EYA2: variants seen among roughly 807,000 people sequenced by gnomAD.
EYA2 encodes the protein protein phosphatase EYA2.
EYA2 carries 31 observed loss-of-function variants against 69.2 expected under a neutral mutation model. That is an observed-to-expected ratio of 0.45 (90% CI 0.34 to 0.60). The LOEUF is 0.60. Ranked by LOEUF, EYA2 falls within the 20% of genes least tolerant of loss-of-function variation. The pLI, the probability that EYA2 is intolerant of heterozygous loss-of-function variation, is 0.02. For synonymous variants in EYA2, 257 were observed against 279.4 expected (o/e 0.92, Z 0.80); for missense variants, 622 against 701.2 (o/e 0.89, Z 1.28).
At chr20:47,050,796 C>T (rs765590924) in intron 5 of EYA2, among the ~76,000 whole-genome samples, 2 of 152,212 alleles carry the variant, frequency 1.3e-5, no homozygotes, top group Non-Finnish European at 2.9e-5. Context: ...TAAGGGTATA[C>T]ACTTGAAACA....
intron 5 of EYA2, among the ~76,000 whole-genome samples, chr20:47,057,887 T>C: frequency 6.6e-6 from 1 of 152,220 alleles, no homozygotes; most frequent in East Asian, 1.9e-4. Flanking sequence ...CAGGCTGACC[T>C]GGGCTTGAAC....
intron 12 of EYA2, among the ~76,000 whole-genome samples, chr20:47,174,186 A>G (rs536396170): frequency 1.3e-5 from 2 of 152,270 alleles, no homozygotes; most frequent in African/African-American, 2.4e-5. Flanking sequence ...TGCAATATAC[A>G]CATTGGCCCC....
chr20:46,939,087 TC>T (rs1986041410), intron 1 of EYA2, among the ~76,000 whole-genome samples: 1 of 152,170 alleles, frequency 6.6e-6, no homozygotes, highest in Admixed American at 6.5e-5. Flanking sequence ...TCCACCTAGT[TC>T]AGGAGGGGCC....
intron 12 of EYA2, among the ~76,000 whole-genome samples, chr20:47,175,612 G>A (rs1002937217): frequency 7.2e-5 from 11 of 152,184 alleles, no homozygotes; most frequent in African/African-American, 2.4e-4. Flanking sequence ...TCATTAAGTG[G>A]CACTTTTGTT....
intron 5 of EYA2, among the ~76,000 whole-genome samples, chr20:47,041,861 T>C (rs974992866): frequency 2.0e-5 from 3 of 152,186 alleles, no homozygotes; most frequent in African/African-American, 4.8e-5. Flanking sequence ...TTTACAGACT[T>C]CTTTTGGTTC....
intron 1 of EYA2, among the ~76,000 whole-genome samples, chr20:46,959,632 G>A (rs1207139582): frequency 2.1e-5 from 3 of 144,428 alleles, no homozygotes; most frequent in Non-Finnish European, 3.1e-5. Flanking sequence ...GCACACAAAC[G>A]TGCACACATG....
rs114367909 is a variant in EYA2, at chr20:47,024,097, G to A, written c.415+7800G>A. Among the ~76,000 whole-genome samples the A allele has an allele frequency of 2.2e-3, 337 of 152,194 alleles. 1 individual carries two copies. Among genetic ancestry groups the A allele is most frequent in the African/African-American group, 7.9e-3 (327 of 41,524 alleles). On this transcript the variant is annotated intron_variant, in intron 5 of 15. Transcript: ENST00000327619. ...TTCATTTTCATTGATTTTTCTCCAT[G>A]TCGAAAATCATATTTTTCTGCTTCC...
chr20:47,114,816 G>T (rs1287813786), intron 9 of EYA2, among the ~76,000 whole-genome samples: 2 of 152,178 alleles, frequency 1.3e-5, no homozygotes, highest in Non-Finnish European at 2.9e-5. Context: ...GAGTTCTTGT[G>T]AGATCTGGTC....
rs181446234 is a variant in EYA2 at position 47,119,752 on chromosome 20, C to A, written c.888+22584C>A. On this transcript the variant is annotated intron_variant, in intron 9 of 15. Transcript: ENST00000327619. ...CTAGGTGGAGGTGGTGGGTGCACAA[C>A]ATTGTACCCTAGATTCCACTGAAGT... 5.2e-4 allele frequency among the ~76,000 whole-genome samples: 79 copies of A among 152,264 alleles called. 2 individuals are homozygous for A. In the South Asian group the frequency reaches 0.016, roughly 31 times the overall value.
chr20:47,169,093 C>A (rs771465871), intron 10 of EYA2, 46 bp from the exon 11 acceptor site: 5 of 1,569,810 alleles, frequency 3.2e-6, no homozygotes, highest in Non-Finnish European at 4.4e-6. Flanking sequence ...TCAGATTAAC[C>A]AGGCATGTTC....
chr20:47,060,444 A>G (rs1053092679), intron 5 of EYA2, among the ~76,000 whole-genome samples: 9 of 152,168 alleles, frequency 5.9e-5, no homozygotes, highest in African/African-American at 2.2e-4. Flanking sequence ...AGTCTTTCCC[A>G]GAAGCCCCCT....
At chr20:47,014,611 T>G (rs966597653) in intron 4 of EYA2, among the ~76,000 whole-genome samples, 5 of 146,914 alleles carry the variant, frequency 3.4e-5, no homozygotes, top group African/African-American at 1.3e-4. Context: ...AAAGATAGAC[T>G]TGCACATGTG....
intron 12 of EYA2, 81 bp downstream of exon 12, chr20:47,172,948 G>T (rs1013721565): frequency 9.5e-5 from 142 of 1,495,472 alleles, no homozygotes; most frequent in Non-Finnish European, 1.2e-4. Flanking sequence ...TGTGCCAGGC[G>T]CCAGGCAGAG....
At chr20:47,151,136 C>T (rs1410019179) in intron 10 of EYA2, among the ~76,000 whole-genome samples, 2 of 151,932 alleles carry the variant, frequency 1.3e-5, no homozygotes, top group Non-Finnish European at 2.9e-5. Flanking sequence ...TTTGGAAGGT[C>T]GAAGCAGGTG....
intron 9 of EYA2, among the ~76,000 whole-genome samples, chr20:47,113,691 C>G (rs1042110333): frequency 1.3e-5 from 2 of 152,164 alleles, no homozygotes; most frequent in African/African-American, 4.8e-5. Context: ...AGGTCATTCC[C>G]AGGCTGAGAT....
At chr20:47,149,089 A>C (rs369746952) in intron 10 of EYA2, among the ~76,000 whole-genome samples, 1 of 152,306 alleles carries the variant, frequency 6.6e-6, no homozygotes, top group Non-Finnish European at 1.5e-5. Flanking sequence ...AAAAACAAAA[A>C]AAAAAAACAA....
rs574260492 is a variant in EYA2 at position 46,966,605 on chromosome 20, G to A, written c.-10-23396G>A. On this transcript the variant is annotated intron_variant, in intron 1 of 15. Transcript: ENST00000327619. The stretch of plus-strand genomic sequence containing the variant: ...GGGCGGATCACGAGGTCAGGACATC[G>A]AGACCGTCCTGGCTAACACGGTGAA... Among the ~76,000 whole-genome samples the A allele has an allele frequency of 2.6e-5, 4 of 152,128 alleles. No individual in the cohort carries two copies. In the East Asian group the frequency reaches 5.8e-4, roughly 22 times the overall value.
At chr20:47,093,726 ACAGCGT>A (rs773589531) in intron 8 of EYA2, among the ~76,000 whole-genome samples, 26 of 152,358 alleles carry the variant, frequency 1.7e-4, no homozygotes, top group Middle Eastern at 6.8e-3. Context: ...TGCCCTGTGC[ACAGCGT>A]CAGCAGGGCA....
At chr20:47,099,534 A>G (rs553048705) in intron 9 of EYA2, among the ~76,000 whole-genome samples, 7 of 152,296 alleles carry the variant, frequency 4.6e-5, no homozygotes, top group Admixed American at 4.6e-4. Context: ...CACTCAATCA[A>G]TAAAAAGAGA....
Sources: gnomAD v4.1 joint callset for allele counts (sites outside exome capture counted in the v4.1 genomes callset) on GRCh38, gnomAD v4.1.1 for gene constraint, MANE v1.5 for transcripts, NCBI Gene and HGNC (gene_info 2026-07-23, HGNC 2026-07-21) for gene names.